The following SYT10 variants were observed in gnomAD, a reference collection of about 807,000 sequenced individuals.
SYT10 encodes synaptotagmin 10.
Under a neutral mutation model 51.1 loss-of-function variants are expected in SYT10, and 31 were observed. The ratio of observed to expected loss-of-function variants is 0.61; its 90% CI spans 0.46 to 0.82. The LOEUF (loss-of-function observed/expected upper bound fraction) is 0.82, where lower values mean the gene tolerates loss of function less well. Among genes scored for constraint, SYT10 ranks in the 40% least tolerant of loss-of-function variants. The pLI is 0.00. For synonymous variants in SYT10, 233 were observed against 225.9 expected, an observed-to-expected ratio of 1.03 and a Z score of -0.28; for missense variants, 603 against 634.0, an observed-to-expected ratio of 0.95 and a Z score of 0.53.
At chr12:33,418,782 T>C (rs575647619) in intron 2 of SYT10, among the ~76,000 whole-genome samples, 1 of 152,310 alleles carries the variant, frequency 6.6e-6, no homozygotes, top group South Asian at 2.1e-4. Context: ...CACCATCACC[T>C]CTGGCCTGGA....
chr12:33,405,421 T>C (rs1866344176), intron 3 of SYT10: 1 of 152,064 alleles, frequency 6.6e-6, no homozygotes, highest in African/African-American at 2.4e-5. Context: ...CAAAATTCCT[T>C]CTTTGTTCCT....
Position 33,406,781 on chromosome 12 carries a change from C to T in SYT10, c.1077+8G>A. 2 of 1,582,572 alleles carry T rather than the reference C, an allele frequency of 1.3e-6. No homozygotes were observed. Among genetic ancestry groups the T allele is most frequent in the Non-Finnish European group, 1.7e-6 (2 of 1,166,506 alleles). On this transcript the variant is annotated splice_region_variant and intron_variant, in intron 3 of 6. Coordinates refer to ENST00000228567, the MANE Select transcript of SYT10 (RefSeq NM_198992.4). ...AAAAAACAATATATTGGTGGAATTA[C>T]TACTTACTGTGGTAGCACAGTGAAT...
chr12:33,387,817 A>G (rs1344745117), intron 3 of SYT10, among the ~76,000 whole-genome samples: 1 of 149,148 alleles, frequency 6.7e-6, no homozygotes, highest in East Asian at 2.0e-4. Flanking sequence ...TAGTGCAACC[A>G]TTGCTCATGG....
At chr12:33,434,751 G>A (rs1866624164) in intron 1 of SYT10, among the ~76,000 whole-genome samples, 2 of 152,182 alleles carry the variant, frequency 1.3e-5, no homozygotes, top group South Asian at 4.1e-4. Context: ...GTTGTGATGA[G>A]CTGAGATCCC....
chr12:33,434,403 T>A (rs565230890), intron 1 of SYT10, among the ~76,000 whole-genome samples: 1 of 152,348 alleles, frequency 6.6e-6, no homozygotes, highest in East Asian at 1.9e-4. Flanking sequence ...GTATACAATT[T>A]AGTTGCAGAA....
At chr12:33,437,532 T>C (rs546367162) in intron 1 of SYT10, among the ~76,000 whole-genome samples, 4 of 152,334 alleles carry the variant, frequency 2.6e-5, no homozygotes, top group Admixed American at 2.6e-4. Context: ...CCACATATTT[T>C]CCTCATTACC....
chr12:33,388,963 G>A (rs1402888290), intron 3 of SYT10, among the ~76,000 whole-genome samples: 1 of 152,176 alleles, frequency 6.6e-6, no homozygotes, highest in East Asian at 1.9e-4. Flanking sequence ...ATGGAGAGAA[G>A]GCAGATTAAA....
At chr12:33,400,887 A>G (rs937023699) in intron 3 of SYT10, among the ~76,000 whole-genome samples, 2 of 152,066 alleles carry the variant, frequency 1.3e-5, no homozygotes, top group African/African-American at 4.8e-5. Flanking sequence ...TTAGCTGGGC[A>G]TGGTAGCACA....
chr12:33,394,633 A>G (rs1866238165), intron 3 of SYT10, among the ~76,000 whole-genome samples: 1 of 152,246 alleles, frequency 6.6e-6, no homozygotes. Flanking sequence ...TGATATTATT[A>G]CAAATCTCTT....
chr12:33,438,197 ATGT>A (rs1866653487), intron 1 of SYT10, among the ~76,000 whole-genome samples: 1 of 152,190 alleles, frequency 6.6e-6, no homozygotes, highest in Non-Finnish European at 1.5e-5. Flanking sequence ...GCAGGGCTCC[ATGT>A]TGTCCTGAGC....
At chr12:33,393,236 G>T (rs922011897) in intron 3 of SYT10, among the ~76,000 whole-genome samples, 6 of 152,040 alleles carry the variant, frequency 3.9e-5, no homozygotes, top group African/African-American at 1.2e-4. Context: ...TAGATACTGA[G>T]ACAAGTGCAA....
chr12:33,385,517 G>C (rs1226415509), intron 3 of SYT10, among the ~76,000 whole-genome samples: 1 of 152,148 alleles, frequency 6.6e-6, no homozygotes, highest in African/African-American at 2.4e-5. Context: ...AAACAACATA[G>C]TCAAAACCAG....
intron 2 of SYT10, among the ~76,000 whole-genome samples, chr12:33,425,305 T>G (rs1177741623): frequency 6.6e-6 from 1 of 152,160 alleles, no homozygotes; most frequent in Non-Finnish European, 1.5e-5. Context: ...GTTGCTACTT[T>G]TGGCAACCCG....
chr12:33,418,046 A>C (rs147261995), intron 2 of SYT10, among the ~76,000 whole-genome samples: 11 of 152,338 alleles, frequency 7.2e-5, no homozygotes, highest in African/African-American at 2.4e-4. Context: ...AGTTGAGGAC[A>C]GTATATTCAC....
chr12:33,375,157 T>A lies in SYT10; in HGVS notation c.*1673A>T, dbSNP rs1370091514. On this transcript the variant is annotated 3_prime_UTR_variant, in exon 7 of 7. Coordinates refer to ENST00000228567, the MANE Select transcript of SYT10 (RefSeq NM_198992.4). ...TCAATGAGAAAATGTTAGCTAGGAGTACCTGTTTTCCTTAGGGTGGTATAA... is the reference window on the plus strand; with the variant it reads ...TCAATGAGAAAATGTTAGCTAGGAGAACCTGTTTTCCTTAGGGTGGTATAA... The A allele has an allele frequency of 6.6e-6, 1 of 151,980 alleles. No homozygotes were observed. Among genetic ancestry groups the A allele is most frequent in the Non-Finnish European group, 1.5e-5 (1 of 67,922 alleles). 9.4% of individuals were successfully genotyped at this position (151,980 alleles called of 1,614,324 possible). A position where few individuals can be genotyped will look rare whatever the true frequency, so the allele number is the denominator to read the frequency against.
At chr12:33,438,026 G>T (rs1866651915) in intron 1 of SYT10, among the ~76,000 whole-genome samples, 1 of 152,136 alleles carries the variant, frequency 6.6e-6, no homozygotes, top group South Asian at 2.1e-4. Context: ...CTTGGCTCAC[G>T]TTGCCGTGGA....
At chr12:33,381,570 G>A (rs539248270) in intron 5 of SYT10, among the ~76,000 whole-genome samples, 1 of 152,270 alleles carries the variant, frequency 6.6e-6, no homozygotes, top group East Asian at 1.9e-4. Context: ...GAGTTCAGAG[G>A]AAGAAGAGGA....
chr12:33,418,492 G>T (rs1215054528), intron 2 of SYT10, among the ~76,000 whole-genome samples: 1 of 152,240 alleles, frequency 6.6e-6, no homozygotes, highest in East Asian at 1.9e-4. Context: ...TTACCTGGTT[G>T]CCCACTGAAC....
intron 1 of SYT10, among the ~76,000 whole-genome samples, chr12:33,428,559 A>G (rs1159135421): frequency 3.9e-5 from 6 of 152,222 alleles, no homozygotes; most frequent in Non-Finnish European, 7.3e-5. Context: ...TCTTTAGTGA[A>G]TTCTATGAGA....
Sources: gnomAD v4.1 joint callset for allele counts (sites outside exome capture counted in the v4.1 genomes callset) on GRCh38, gnomAD v4.1.1 for gene constraint, MANE v1.5 for transcripts, NCBI Gene and HGNC (gene_info 2026-07-23, HGNC 2026-07-21) for gene names.